The following AKR1D1 variants were observed in gnomAD, a reference collection of about 807,000 sequenced individuals.
AKR1D1 encodes the protein aldo-keto reductase family 1 member D1.
Under a neutral mutation model 42.6 loss-of-function variants are expected in AKR1D1, and 32 were observed. That is an observed-to-expected ratio of 0.75 (90% confidence interval 0.57 to 1.01). The LOEUF (loss-of-function observed/expected upper bound fraction) is 1.01, where lower values mean the gene tolerates loss of function less well. Ranked by LOEUF, AKR1D1 falls within the 50% of genes least tolerant of loss-of-function variation. The pLI is 0.00. For synonymous variants in AKR1D1, 123 were observed against 135.5 expected, an observed-to-expected ratio of 0.91 and a Z score of 0.64; for missense variants, 364 against 402.2, an observed-to-expected ratio of 0.91 and a Z score of 0.81.
In AKR1D1 at chr7:138,106,588, T is replaced by C. The variant is rs974928831; in HGVS notation, c.580-20T>C. The C allele has an allele frequency of 1.3e-6, 2 of 1,599,708 alleles. No homozygotes were observed. The highest frequency in any genetic ancestry group is 1.1e-5 in the South Asian group (1 of 90,776). On this transcript the variant is annotated intron_variant, in intron 5 of 8. Transcript: ENST00000242375. ...ACGTGGCCTTGATTTTGTGCTCTGC[T>C]CTCCAATGCAACCACATAGGTTGAG...
At chr7:138,078,679 ATTG>A (rs1459143218) in intron 1 of AKR1D1, among the ~76,000 whole-genome samples, 1 of 152,230 alleles carries the variant, frequency 6.6e-6, no homozygotes, top group East Asian at 1.9e-4. Flanking sequence ...GGAGATAACT[ATTG>A]TTCAAAGATG....
At chr7:138,097,806 T>C (rs981019097) in intron 3 of AKR1D1, 60 bp from the exon 4 acceptor site, 2 of 1,303,970 alleles carry the variant, frequency 1.5e-6, no homozygotes, top group African/African-American at 3.0e-5. Flanking sequence ...TAAATTCTAT[T>C]ATTTAATTCC....
At chr7:138,104,831 T>A (rs1040028999) in intron 4 of AKR1D1, among the ~76,000 whole-genome samples, 2 of 152,072 alleles carry the variant, frequency 1.3e-5, no homozygotes, top group African/African-American at 2.4e-5. Flanking sequence ...CAGTTATAAC[T>A]CACTGCAGCC....
At position 138,081,506 on chromosome 7, in the gene AKR1D1, CTTTTTTTTTTTTTTTTT is replaced by C. The variant is rs61466734; in HGVS notation, c.93+4915_93+4931del. ...TCCAAAATATAAAAGGAACTCCTAC[CTTTTTTTTTTTTTTTTT>C]TTTTTTTTTTTTTTTTTTTGAGACA... On this transcript the variant is annotated intron_variant, in intron 1 of 8. Transcript: ENST00000242375. Among the ~76,000 whole-genome samples the C allele has an allele frequency of 7.5e-4, 36 of 47,698 alleles. 1 individual carries two copies. Among genetic ancestry groups the C allele is most frequent in the African/African-American group, 3.3e-3 (33 of 9,986 alleles). 31.3% of individuals were successfully genotyped at this position (47,698 alleles called of 152,430 possible).
At chr7:138,114,700 T>C (rs1794602260) in intron 8 of AKR1D1, among the ~76,000 whole-genome samples, 1 of 151,670 alleles carries the variant, frequency 6.6e-6, no homozygotes, top group African/African-American at 2.4e-5. Flanking sequence ...GCTATATATG[T>C]GTGTATAGAT....
At chr7:138,102,218 T>A (rs1794333053) in intron 4 of AKR1D1, among the ~76,000 whole-genome samples, 1 of 151,726 alleles carries the variant, frequency 6.6e-6, no homozygotes, top group East Asian at 1.9e-4. Context: ...CTCAAAAAAA[T>A]AAAATAAAAT....
In AKR1D1 at chr7:138,107,643, A is replaced by G. The variant is rs2117464799; in HGVS notation, c.855+63A>G. 10 of 1,568,062 alleles carry G rather than the reference A, an allele frequency of 6.4e-6. No homozygotes were observed. The Admixed American group carries it at 1.5e-4, about 24-fold the overall frequency. The stretch of plus-strand genomic sequence containing the variant: ...ATGTTTGCTATTTTTGCTTTTATAG[A>G]ATGTGTTCAGCTTAATAGGAAACCT... On this transcript the variant is annotated intron_variant, in intron 7 of 8. Transcript: ENST00000242375.
intron 7 of AKR1D1, among the ~76,000 whole-genome samples, chr7:138,111,982 AT>A (rs1303775453): frequency 1.3e-5 from 2 of 151,462 alleles, no homozygotes; most frequent in African/African-American, 2.4e-5. Flanking sequence ...TAATTCTTTA[AT>A]TTTTTTTTCA....
At chr7:138,107,683 T>C in intron 7 of AKR1D1, 103 bp downstream of exon 7, 2 of 1,247,372 alleles carry the variant, frequency 1.6e-6, no homozygotes, top group Non-Finnish European at 2.3e-6. Flanking sequence ...CACTCTCATA[T>C]TTTATTTTAT....
At chr7:138,106,833 CTGT>C in intron 6 of AKR1D1, 116 bp downstream of exon 6, 1 of 777,056 alleles carries the variant, frequency 1.3e-6, no homozygotes, top group Non-Finnish European at 2.3e-6. Flanking sequence ...AAGTCATTAT[CTGT>C]ATATATGAAT....
chr7:138,112,567 T>G (rs903736925), intron 7 of AKR1D1, among the ~76,000 whole-genome samples: 5 of 152,154 alleles, frequency 3.3e-5, no homozygotes, highest in Admixed American at 1.3e-4. Flanking sequence ...TCTTAATGTG[T>G]GTAGTATTTG....
In AKR1D1 at chr7:138,088,739, C is replaced by G; in HGVS notation, c.232C>G (p.Arg78Gly). Residue 78 changes from arginine (R) to glycine (G), a missense_variant, in exon 2 of 9, where the codon CGG becomes GGG. Arg to Gly is a moderately radical substitution (Grantham distance 125). Transcript: ENST00000242375. ...IREKIAEGKV[R>G]REDIFYCGKL... Reference sequence around the variant, plus strand: ...GGAGAAGATAGCAGAAGGAAAGGTGCGGAGGGAAGATATCTTCTACTGTGG... The same window carrying G: ...GGAGAAGATAGCAGAAGGAAAGGTGGGGAGGGAAGATATCTTCTACTGTGG... The G allele has an allele frequency of 6.2e-7, 1 of 1,608,090 alleles. No homozygotes were observed. The highest frequency in any genetic ancestry group is 8.5e-7 in the Non-Finnish European group (1 of 1,177,018).
intron 6 of AKR1D1, among the ~76,000 whole-genome samples, 155 bp downstream of exon 6, chr7:138,106,872 G>C (rs1367143708): frequency 6.6e-6 from 1 of 152,188 alleles, no homozygotes; most frequent in Non-Finnish European, 1.5e-5. Context: ...TTTCCTGACT[G>C]AGCTGTTGTA....
intron 3 of AKR1D1, among the ~76,000 whole-genome samples, chr7:138,096,837 ACTCT>A (rs1794193963): frequency 6.6e-6 from 1 of 151,810 alleles, no homozygotes; most frequent in Non-Finnish European, 1.5e-5. Flanking sequence ...TACTAGCTAC[ACTCT>A]CTCTATAGGT....
At chr7:138,097,787 TG>T in intron 3 of AKR1D1, 78 bp from the exon 4 acceptor site, 1 of 1,139,226 alleles carries the variant, frequency 8.8e-7, no homozygotes, top group Non-Finnish European at 1.3e-6. Context: ...TTATGAAGAC[TG>T]GGAAGTCTAA....
intron 1 of AKR1D1, among the ~76,000 whole-genome samples, chr7:138,079,295 A>G (rs768477347): frequency 3.3e-5 from 5 of 152,160 alleles, no homozygotes; most frequent in Non-Finnish European, 7.4e-5. Context: ...CATAAGCTCT[A>G]CCTAAGGGGA....
intron 1 of AKR1D1, among the ~76,000 whole-genome samples, chr7:138,082,407 A>G (rs959177159): frequency 2.6e-5 from 4 of 151,434 alleles, no homozygotes; most frequent in African/African-American, 9.7e-5. Context: ...TTCTTCTGTC[A>G]CCCAGGCTGG....
chr7:138,092,873 G>A (rs971898591), intron 3 of AKR1D1, among the ~76,000 whole-genome samples: 2 of 152,130 alleles, frequency 1.3e-5, no homozygotes, highest in African/African-American at 4.8e-5. Context: ...GAATGTGAAG[G>A]CCTAGGTCAT....
chr7:138,090,692 A>C (rs145056807), intron 2 of AKR1D1, among the ~76,000 whole-genome samples: 78 of 152,180 alleles, frequency 5.1e-4, no homozygotes, highest in African/African-American at 1.4e-3. Context: ...TATCCCCCCA[A>C]AAAAATCTGT....
Sources: gnomAD v4.1 joint callset for allele counts (sites outside exome capture counted in the v4.1 genomes callset) on GRCh38, gnomAD v4.1.1 for gene constraint, MANE v1.5 for transcripts, NCBI Gene and HGNC (gene_info 2026-07-23, HGNC 2026-07-21) for gene names.